The following DIAPH3 variants were observed in gnomAD, a reference collection of about 807,000 sequenced individuals.
The protein encoded by DIAPH3 is diaphanous related formin 3.
DIAPH3 carries 117 observed loss-of-function variants against 144.3 expected under a neutral mutation model. The observed-to-expected ratio is 0.81, with a 90% CI of 0.70 to 0.95. The LOEUF is 0.95. DIAPH3 is among the 40% of genes least tolerant of loss of function. DIAPH3 has a pLI of 0.00. For synonymous variants in DIAPH3, 519 were observed against 488.9 expected, an observed-to-expected ratio of 1.06 and a Z score of -0.81; for missense variants, 1,421 against 1,412.7, an observed-to-expected ratio of 1.01 and a Z score of -0.09.
At chr13:59,991,305 T>A in intron 11 of DIAPH3, 31 bp from the exon 12 acceptor site, 1 of 1,418,266 alleles carries the variant, frequency 7.1e-7, no homozygotes, top group East Asian at 2.3e-5. Flanking sequence ...ATGGATTTAT[T>A]TATACTCTAC....
chr13:59,989,979 T>A (rs1199912006), intron 12 of DIAPH3, among the ~76,000 whole-genome samples: 2 of 151,930 alleles, frequency 1.3e-5, no homozygotes, highest in Non-Finnish European at 2.9e-5. Flanking sequence ...GAAGTTTCAA[T>A]GTCATTTTTA....
intron 24 of DIAPH3, among the ~76,000 whole-genome samples, chr13:59,827,892 T>G (rs1026528389): frequency 4.6e-5 from 7 of 152,028 alleles, no homozygotes; most frequent in Non-Finnish European, 1.0e-4. Context: ...TTAAGGAGGA[T>G]GAGGTTGCTC....
intron 20 of DIAPH3, among the ~76,000 whole-genome samples, chr13:59,905,370 A>AAAAAAAAAAAAT (rs1211489670): frequency 2.1e-5 from 3 of 140,256 alleles, no homozygotes; most frequent in Non-Finnish European, 4.7e-5. Context: ...AAAAAAAAAA[A>AAAAAAAAAAAAT]GTGTAAGTTC....
chr13:59,688,451 A>G lies in DIAPH3; in HGVS notation c.3320-21605T>C, dbSNP rs114740587. On this transcript the variant is annotated intron_variant, in intron 27 of 27. Transcript: ENST00000400324. ...AATTGAACATTTCAACCTCACAAGT[A>G]AGTCCAAACATAAATGAATAATGAA... Among the ~76,000 whole-genome samples the G allele has an allele frequency of 4.4e-3, 665 of 152,240 alleles. 2 individuals are homozygous for G. The highest frequency in any genetic ancestry group is 0.015 in the African/African-American group (626 of 41,582).
intron 5 of DIAPH3, among the ~76,000 whole-genome samples, chr13:60,031,763 G>A (rs2054819118): frequency 6.9e-5 from 1 of 14,418 alleles, no homozygotes; most frequent in Non-Finnish European, 1.4e-4. Flanking sequence ...TTTTTTTTGA[G>A]ATGGGGTCTT....
intron 3 of DIAPH3, among the ~76,000 whole-genome samples, chr13:60,098,886 G>C (rs530662531): frequency 6.6e-6 from 1 of 152,190 alleles, no homozygotes; most frequent in South Asian, 2.1e-4. Context: ...GAAATACAAA[G>C]TAAACATAAA....
intron 27 of DIAPH3, among the ~76,000 whole-genome samples, chr13:59,737,565 A>G (rs1340121017): frequency 6.6e-6 from 1 of 152,198 alleles, no homozygotes; most frequent in East Asian, 1.9e-4. Context: ...CATAGTGAGT[A>G]AGGCAGCAAT....
chr13:59,923,271 T>C (rs1249488147), intron 18 of DIAPH3, among the ~76,000 whole-genome samples: 1 of 152,174 alleles, frequency 6.6e-6, no homozygotes. Flanking sequence ...ACACTAGTAA[T>C]TTGTAATGCA....
Position 59,888,275 on chromosome 13 carries a change from T to C in DIAPH3, c.2368-8807A>G, listed in dbSNP as rs953182374. On this transcript the variant is annotated intron_variant, in intron 20 of 27. Transcript: ENST00000400324. ...TCCCTCCACCATCTCAGAACACAGA[T>C]AGAAGGCAACATATATGAATCAGAA... 2.0e-5 allele frequency among the ~76,000 whole-genome samples: 3 copies of C among 151,988 alleles called. No homozygotes were observed. In the South Asian group the frequency reaches 6.2e-4, roughly 32 times the overall value.
Position 59,962,376 on chromosome 13 carries a change from CAT to C in DIAPH3, c.2074+7566_2074+7567del, listed in dbSNP as rs368495144. The stretch of plus-strand genomic sequence containing the variant: ...CAGCAGTTTATGAAATAGTAATACA[CAT>C]GTGAGGAAGCAATGTAGATGTGCTG... On this transcript the variant is annotated intron_variant, in intron 17 of 27. Transcript: ENST00000400324. Among the ~76,000 whole-genome samples the C allele has an allele frequency of 3.9e-3, 600 of 152,314 alleles. 5 individuals are homozygous for C. Among genetic ancestry groups the C allele is most frequent in the African/African-American group, 0.014 (583 of 41,576 alleles).
intron 17 of DIAPH3, among the ~76,000 whole-genome samples, chr13:59,936,853 C>T (rs2140358619): frequency 6.6e-6 from 1 of 152,198 alleles, no homozygotes; most frequent in East Asian, 1.9e-4. Flanking sequence ...TGGAATCATA[C>T]ATGTATATTC....
At chr13:60,014,314 T>C (rs954773247) in intron 7 of DIAPH3, among the ~76,000 whole-genome samples, 28 of 152,162 alleles carry the variant, frequency 1.8e-4, no homozygotes, top group Admixed American at 4.6e-4. Context: ...TTTGATTCTT[T>C]CATTCATTTA....
intron 27 of DIAPH3, among the ~76,000 whole-genome samples, chr13:59,767,932 A>G (rs1248129675): frequency 2.0e-5 from 3 of 151,882 alleles, no homozygotes; most frequent in Non-Finnish European, 4.4e-5. Flanking sequence ...CTATGCCAAA[A>G]GGTTGTCCTG....
chr13:59,698,469 A>G (rs1402738878), intron 27 of DIAPH3, among the ~76,000 whole-genome samples: 4 of 152,338 alleles, frequency 2.6e-5, no homozygotes, highest in Non-Finnish European at 4.4e-5. Context: ...ACAACCTGCT[A>G]CATTTGAAAA....
chr13:60,101,865 C>G (rs2058277249), intron 3 of DIAPH3, among the ~76,000 whole-genome samples: 2 of 152,102 alleles, frequency 1.3e-5, no homozygotes, highest in African/African-American at 4.8e-5. Context: ...GTTTCTTGAC[C>G]CTTCCATTTT....
rs143603848 is a variant in DIAPH3, at chr13:59,755,046, T to C, written c.3319+19143A>G. 1.3e-3 allele frequency among the ~76,000 whole-genome samples: 205 copies of C among 152,318 alleles called. 1 individual carries two copies. Among genetic ancestry groups the C allele is most frequent in the African/African-American group, 4.7e-3 (196 of 41,578 alleles). ...AAGATCATTACAGACCTATGAACTA[T>C]ACGTTCAATGTTTAGTTTTTCTGTT... On this transcript the variant is annotated intron_variant, in intron 27 of 27. Coordinates refer to ENST00000400324, the MANE Select transcript of DIAPH3 (RefSeq NM_001042517.2).
intron 27 of DIAPH3, among the ~76,000 whole-genome samples, chr13:59,728,674 G>A (rs2035724174): frequency 6.6e-6 from 1 of 152,044 alleles, no homozygotes; most frequent in Non-Finnish European, 1.5e-5. Flanking sequence ...ATCATGGCAT[G>A]TAGAAAAGGA....
At chr13:60,105,112 A>AAAAAAAAC (rs1566777927) in intron 3 of DIAPH3, among the ~76,000 whole-genome samples, 5 of 74,580 alleles carry the variant, frequency 6.7e-5, no homozygotes, top group Admixed American at 1.5e-4. Flanking sequence ...AAAAAAAAAA[A>AAAAAAAAC]AAAAAAAAAA....
At chr13:59,673,509 TA>T (rs1386507714) in intron 27 of DIAPH3, among the ~76,000 whole-genome samples, 1 of 152,170 alleles carries the variant, frequency 6.6e-6, no homozygotes, top group African/African-American at 2.4e-5. Context: ...CTCAGATGAA[TA>T]GTTTGAAACC....
Sources: allele counts gnomAD v4.1 joint callset (sites outside exome capture counted in the v4.1 genomes callset), GRCh38; gene constraint gnomAD v4.1.1; transcripts MANE v1.5; gene names NCBI Gene and HGNC (gene_info 2026-07-23, HGNC 2026-07-21).